LRP5: variants seen among roughly 807,000 people sequenced by gnomAD.
LRP5 encodes the protein LDL receptor related protein 5.
LRP5 carries 62 observed loss-of-function variants against 154.1 expected under a neutral mutation model. That is an observed-to-expected ratio of 0.40 (90% CI 0.33 to 0.50). The LOEUF is 0.50. LRP5 is among the 20% of genes least tolerant of loss of function. LRP5 has a pLI of 0.55. For missense variants in LRP5, 1,915 were observed against 2,336.7 expected (o/e 0.82, Z 3.72); for synonymous variants, 966 against 1,011.5 (o/e 0.96, Z 0.85).
intron 1 of LRP5, 26 bp downstream of exon 1, chr11:68,312,831 G>A: frequency 9.8e-7 from 1 of 1,020,386 alleles, no homozygotes; most frequent in Non-Finnish European, 1.2e-6. Flanking sequence ...CCGGCCGGGG[G>A]CCGCGGGTTG....
chr11:68,418,683 G>A (rs184463194), intron 13 of LRP5, among the ~76,000 whole-genome samples: 22 of 152,300 alleles, frequency 1.4e-4, no homozygotes, highest in Admixed American at 5.2e-4. Context: ...TGTGTCCTTG[G>A]TTGATGGCAA....
intron 2 of LRP5, among the ~76,000 whole-genome samples, chr11:68,349,496 G>A (rs925475775): frequency 1.3e-5 from 2 of 152,176 alleles, no homozygotes; most frequent in African/African-American, 4.8e-5. Context: ...CTTTCTAATT[G>A]CATTGGCTGA....
chr11:68,312,450 C>T (rs1046918936), upstream of LRP5, among the ~76,000 whole-genome samples: 34 of 148,198 alleles, frequency 2.3e-4, no homozygotes, highest in Admixed American at 4.0e-4. Context: ...GGACCTGCGC[C>T]GCTGGGGCCG....
intron 9 of LRP5, among the ~76,000 whole-genome samples, chr11:68,409,073 A>AAAAAAATATATATATATAT (rs2098657548): frequency 2.3e-5 from 1 of 44,188 alleles, no homozygotes; most frequent in African/African-American, 1.3e-4. Context: ...AAAAAAAAAA[A>AAAAAAATATATATATATAT]ATATATATAT....
At chr11:68,318,123 C>A (rs895112613) in intron 1 of LRP5, among the ~76,000 whole-genome samples, 1 of 150,748 alleles carries the variant, frequency 6.6e-6, no homozygotes, top group Non-Finnish European at 1.5e-5. Context: ...GGTGTGATCT[C>A]AGCTCACTGC....
Position 68,365,612 on chromosome 11 carries a change from C to T in LRP5, c.925C>T (p.Leu309=), listed in dbSNP as rs867390531. Reference sequence around the variant, plus strand: ...GGAGGACAATGGCGGCTGCTCCCACCTGTGCCTGCTGTCCCCAAGCGAGCC... The same window carrying T: ...GGAGGACAATGGCGGCTGCTCCCACTTGTGCCTGCTGTCCCCAAGCGAGCC... ...CEEDNGGCSH[L]CLLSPSEPFY... The change falls in exon 5 of 23, where the codon CTG becomes TTG. Residue 309 remains leucine (L), a synonymous_variant. Coordinates refer to ENST00000294304, the MANE Select transcript of LRP5 (RefSeq NM_002335.4). 1 of 1,613,938 alleles carries T rather than the reference C, an allele frequency of 6.2e-7. No individual in the cohort carries two copies.
At chr11:68,414,219 T>C (rs992901550) in intron 12 of LRP5, among the ~76,000 whole-genome samples, 1 of 152,118 alleles carries the variant, frequency 6.6e-6, no homozygotes, top group African/African-American at 2.4e-5. Context: ...CATAGATAAA[T>C]GGCCAAAACT....
At chr11:68,375,442 C>T (rs1347670723) in intron 5 of LRP5, among the ~76,000 whole-genome samples, 1 of 152,218 alleles carries the variant, frequency 6.6e-6, no homozygotes, top group Non-Finnish European at 1.5e-5. Flanking sequence ...TGTGGACCTC[C>T]CTGCCCCTGC....
At chr11:68,420,783 C>T (rs955413136) in intron 13 of LRP5, among the ~76,000 whole-genome samples, 1 of 151,932 alleles carries the variant, frequency 6.6e-6, no homozygotes, top group Non-Finnish European at 1.5e-5. Flanking sequence ...AGGTTTCTTC[C>T]ACCTTTGGTT....
rs534015557 is a variant in LRP5 at position 68,449,131 on chromosome 11, GA to G, written c.*68del. On this transcript the variant is annotated 3_prime_UTR_variant, in exon 23 of 23. Coordinates refer to ENST00000294304, the MANE Select transcript of LRP5 (RefSeq NM_002335.4). ...GTAAATAGTTTTAAATATGAACAAA[GA>G]AAAAAATATATTTTATGATTTAAAA... The G allele has an allele frequency of 6.8e-5, 80 of 1,183,446 alleles. No homozygotes were observed. The African/African-American group carries it at 9.5e-4, about 14-fold the overall frequency. The allele number at this position is 1,183,446 out of a possible 1,614,324, so 73.3% of individuals were successfully genotyped here.
intron 1 of LRP5, 56 bp from the exon 2 acceptor site, chr11:68,347,791 G>A (rs2098614385): frequency 6.3e-7 from 1 of 1,599,410 alleles, no homozygotes; most frequent in East Asian, 2.2e-5. Flanking sequence ...CCATCCCAGG[G>A]CTGTGTATCT....
intron 1 of LRP5, among the ~76,000 whole-genome samples, chr11:68,329,827 A>G (rs2098601730): frequency 6.6e-6 from 1 of 152,220 alleles, no homozygotes; most frequent in Admixed American, 6.5e-5. Flanking sequence ...ACTATTTGCC[A>G]TGGCCTTGGG....
rs1204128679 is a variant in LRP5, at chr11:68,404,535, G to C, written c.1801+836G>C. 3.5e-5 allele frequency: 17 copies of C among 485,640 alleles called. No homozygotes were observed. In the East Asian group the frequency reaches 8.3e-4, roughly 24 times the overall value. The allele number at this position is 485,640 out of a possible 1,614,324, so 30.1% of individuals were successfully genotyped here. The stretch of plus-strand genomic sequence containing the variant: ...AGGTTGGGGCAGAAAGCACAGCCCC[G>C]TGGAAGCCTGGAGCTGAGGCAGTGT... On this transcript the variant is annotated intron_variant, in intron 8 of 22. Coordinates refer to ENST00000294304, the MANE Select transcript of LRP5 (RefSeq NM_002335.4).
chr11:68,401,581 G>C (rs2098652648), intron 7 of LRP5, among the ~76,000 whole-genome samples: 1 of 152,186 alleles, frequency 6.6e-6, no homozygotes, highest in Non-Finnish European at 1.5e-5. Context: ...GAGAAACTGA[G>C]ACCCATGGGG....
intron 6 of LRP5, among the ~76,000 whole-genome samples, chr11:68,388,888 C>T (rs186434525): frequency 9.2e-5 from 14 of 152,350 alleles, no homozygotes; most frequent in Admixed American, 7.2e-4. Context: ...TTGCCGCTGG[C>T]ATGCTCAGTC....
At chr11:68,391,384 C>T (rs2153156128) in intron 7 of LRP5, among the ~76,000 whole-genome samples, 1 of 152,360 alleles carries the variant, frequency 6.6e-6, no homozygotes, top group South Asian at 2.1e-4. Flanking sequence ...GTGGATGCCT[C>T]CCTCTGTTTC....
Position 68,449,078 on chromosome 11 carries a change from C to T in LRP5, c.*8C>T, listed in dbSNP as rs758348649. 59 of 1,531,650 alleles carry T rather than the reference C, an allele frequency of 3.9e-5. No individual in the cohort carries two copies. Among genetic ancestry groups the T allele is most frequent in the East Asian group, 9.1e-5 (4 of 44,052 alleles). The allele number at this position is 1,531,650 out of a possible 1,614,324, so 94.9% of individuals were successfully genotyped here. ...TGCACGGACTCATCCTGACCTCGGC[C>T]GGGCCACTCTGGCTTCTCTGTGCCC... On this transcript the variant is annotated 3_prime_UTR_variant, in exon 23 of 23. Coordinates refer to ENST00000294304, the MANE Select transcript of LRP5 (RefSeq NM_002335.4).
chr11:68,419,267 C>T (rs2098664206), intron 13 of LRP5, among the ~76,000 whole-genome samples: 1 of 152,158 alleles, frequency 6.6e-6, no homozygotes, highest in Non-Finnish European at 1.5e-5. Context: ...GGGTCTCACC[C>T]CAGTGCCCAG....
intron 7 of LRP5, among the ~76,000 whole-genome samples, chr11:68,400,123 T>G (rs1044452267): frequency 6.6e-6 from 1 of 152,116 alleles, no homozygotes; most frequent in South Asian, 2.1e-4. Context: ...GCCAGCGTCT[T>G]GCGCTTGCCG....
Sources: allele counts gnomAD v4.1 joint callset (sites outside exome capture counted in the v4.1 genomes callset), GRCh38; gene constraint gnomAD v4.1.1; transcripts MANE v1.5; gene names NCBI Gene and HGNC (gene_info 2026-07-23, HGNC 2026-07-21).